KIF16B: variants seen among roughly 807,000 people sequenced by gnomAD.
KIF16B encodes the protein kinesin-like protein KIF16B.
KIF16B carries 98 observed loss-of-function variants against 156.3 expected under a neutral mutation model. The observed-to-expected ratio is 0.63, with a 90% CI of 0.53 to 0.74. KIF16B has a LOEUF of 0.74. KIF16B is among the 30% of genes least tolerant of loss of function. The pLI, the probability that KIF16B is intolerant of heterozygous loss-of-function variation, is 0.00. For synonymous variants in KIF16B, 564 were observed against 583.7 expected (o/e 0.97, Z 0.49); for missense variants, 1,421 against 1,606.5 (o/e 0.88, Z 1.97).
At chr20:16,391,969 C>A (rs2065377380) in intron 17 of KIF16B, among the ~76,000 whole-genome samples, 1 of 152,192 alleles carries the variant, frequency 6.6e-6, no homozygotes, top group Non-Finnish European at 1.5e-5. Context: ...AACACAATGA[C>A]AAGGAGTTAC....
At chr20:16,553,147 G>T (rs1033654478) in intron 1 of KIF16B, among the ~76,000 whole-genome samples, 4 of 152,162 alleles carry the variant, frequency 2.6e-5, no homozygotes, top group Non-Finnish European at 5.9e-5. Flanking sequence ...CATTTCGTGA[G>T]ACTTTGTAGC....
intron 23 of KIF16B, among the ~76,000 whole-genome samples, chr20:16,342,125 C>T (rs1041985650): frequency 5.3e-5 from 8 of 152,122 alleles, no homozygotes; most frequent in Non-Finnish European, 7.4e-5. Context: ...TCATTTATTC[C>T]ATCCCCTCCA....
chr20:16,458,168 A>T (rs1291903318), intron 12 of KIF16B, among the ~76,000 whole-genome samples: 1 of 152,240 alleles, frequency 6.6e-6, no homozygotes, highest in East Asian at 1.9e-4. Context: ...GCTGCTGAAG[A>T]TGAATATCAA....
At chr20:16,561,059 G>C (rs550025698) in intron 1 of KIF16B, among the ~76,000 whole-genome samples, 1 of 152,106 alleles carries the variant, frequency 6.6e-6, no homozygotes, top group Non-Finnish European at 1.5e-5. Context: ...GGAGGCTGAG[G>C]TGGGTGGGTC....
At chr20:16,378,017 G>C (rs1363586779) in intron 19 of KIF16B, among the ~76,000 whole-genome samples, 1 of 152,126 alleles carries the variant, frequency 6.6e-6, no homozygotes, top group Non-Finnish European at 1.5e-5. Context: ...TTGTTTGTTG[G>C]TTCGGTTGAC....
At chr20:16,279,717 G>T (rs1409424124) in intron 25 of KIF16B, among the ~76,000 whole-genome samples, 3 of 151,590 alleles carry the variant, frequency 2.0e-5, no homozygotes, top group Non-Finnish European at 4.4e-5. Context: ...CCACAGCTAG[G>T]CCTGAAGCTG....
intron 23 of KIF16B, among the ~76,000 whole-genome samples, chr20:16,351,256 T>C (rs988301773): frequency 4.6e-5 from 7 of 152,218 alleles, no homozygotes; most frequent in Admixed American, 3.9e-4. Flanking sequence ...GCAAGGGATT[T>C]CAAACAATGC....
At chr20:16,375,684 C>T (rs1193479792) in intron 19 of KIF16B, among the ~76,000 whole-genome samples, 1 of 122,144 alleles carries the variant, frequency 8.2e-6, no homozygotes, top group Non-Finnish European at 1.8e-5. Flanking sequence ...TCATCAATGG[C>T]CAAAAAAAAA....
chr20:16,354,954 A>G (rs992410392), intron 23 of KIF16B, among the ~76,000 whole-genome samples: 1 of 152,064 alleles, frequency 6.6e-6, no homozygotes, highest in African/African-American at 2.4e-5. Flanking sequence ...TCAAAAAAAA[A>G]AGAGTAACAG....
At chr20:16,558,499 A>G (rs889183549) in intron 1 of KIF16B, among the ~76,000 whole-genome samples, 1 of 152,228 alleles carries the variant, frequency 6.6e-6, no homozygotes, top group Non-Finnish European at 1.5e-5. Flanking sequence ...GGTATAAAAG[A>G]GGCTCCAGGA....
rs753575192 is a variant in KIF16B at position 16,427,243 on chromosome 20, T to C, written c.1475-2A>G. 68 of 1,604,010 alleles carry C rather than the reference T, an allele frequency of 4.2e-5. No individual in the cohort carries two copies. Among genetic ancestry groups the C allele is most frequent in the Non-Finnish European group, 5.7e-5 (67 of 1,176,694 alleles). On this transcript the variant is annotated splice_acceptor_variant, in intron 14 of 25. Coordinates refer to ENST00000354981, the MANE Select transcript of KIF16B (RefSeq NM_024704.5). LOFTEE classifies it high-confidence loss of function. ...TCTCCAAGTCAAGGCCATGAAGAAC[T>C]AAAGTGGAAAAACAAAGTAGAAAGA... is the stretch of plus-strand genomic sequence containing the variant.
chr20:16,463,778 C>A (rs572294911), intron 12 of KIF16B, among the ~76,000 whole-genome samples: 1 of 152,192 alleles, frequency 6.6e-6, no homozygotes, highest in Non-Finnish European at 1.5e-5. Context: ...TTTCAGAAGT[C>A]AGGTGGTTTC....
At chr20:16,463,784 G>T (rs546088580) in intron 12 of KIF16B, among the ~76,000 whole-genome samples, 1 of 152,272 alleles carries the variant, frequency 6.6e-6, no homozygotes, top group East Asian at 1.9e-4. Context: ...AAGTCAGGTG[G>T]TTTCCAATTC....
At chr20:16,562,612 G>C (rs564153140) in intron 1 of KIF16B, among the ~76,000 whole-genome samples, 169 of 152,234 alleles carry the variant, frequency 1.1e-3, no homozygotes, top group Admixed American at 1.4e-3. Context: ...CTTTCTGAGT[G>C]CTCAGGTCTT....
chr20:16,304,629 A>C (rs1334210610), intron 25 of KIF16B, among the ~76,000 whole-genome samples: 1 of 152,346 alleles, frequency 6.6e-6, no homozygotes, highest in South Asian at 2.1e-4. Context: ...GTATTTATTT[A>C]ATCTCTATGT....
chr20:16,512,987 G>A, intron 4 of KIF16B, 64 bp from the exon 5 acceptor site: 1 of 1,248,352 alleles, frequency 8.0e-7, no homozygotes. Flanking sequence ...GACTGAATTT[G>A]CAATTTGCTG....
chr20:16,283,998 T>A (rs906164099), intron 25 of KIF16B, among the ~76,000 whole-genome samples: 1 of 152,164 alleles, frequency 6.6e-6, no homozygotes, highest in African/African-American at 2.4e-5. Context: ...AAGCCAGCCA[T>A]CAGATTCCCT....
At chr20:16,292,147 A>T (rs2063323043) in intron 25 of KIF16B, among the ~76,000 whole-genome samples, 1 of 151,942 alleles carries the variant, frequency 6.6e-6, no homozygotes, top group African/African-American at 2.4e-5. Flanking sequence ...CCTTTTTTTA[A>T]AAAAATGTTT....
intron 20 of KIF16B, among the ~76,000 whole-genome samples, chr20:16,373,171 A>G (rs1278210820): frequency 6.6e-6 from 1 of 152,204 alleles, no homozygotes; most frequent in Non-Finnish European, 1.5e-5. Context: ...TTTAGGTAAA[A>G]GAGCCCAAAT....
Sources: allele counts gnomAD v4.1 joint callset (sites outside exome capture counted in the v4.1 genomes callset), GRCh38; gene constraint gnomAD v4.1.1; transcripts MANE v1.5; gene names NCBI Gene and HGNC (gene_info 2026-07-23, HGNC 2026-07-21).